Variants in ME3 observed in about 807,000 individuals in gnomAD.
ME3 encodes the protein NADP-dependent malic enzyme, mitochondrial.
Under a neutral mutation model 68.9 loss-of-function variants are expected in ME3, and 48 were observed. The ratio of observed to expected loss-of-function variants is 0.70; its 90% CI spans 0.55 to 0.89. ME3 has a LOEUF of 0.89. ME3 is among the 40% of genes least tolerant of loss of function. The pLI, the probability that ME3 is intolerant of heterozygous loss-of-function variation, is 0.00. For missense variants in ME3, 675 were observed against 797.4 expected (o/e 0.85, Z 1.85); for synonymous variants, 320 against 318.8 (o/e 1.00, Z -0.04).
chr11:86,483,350 TG>T (rs1951518214), intron 7 of ME3, among the ~76,000 whole-genome samples: 1 of 152,160 alleles, frequency 6.6e-6, no homozygotes, highest in African/African-American at 2.4e-5. Context: ...ACATCAAGTG[TG>T]GAAGGTAACA....
At chr11:86,491,579 A>G (rs1464891781) in intron 6 of ME3, among the ~76,000 whole-genome samples, 1 of 152,208 alleles carries the variant, frequency 6.6e-6, no homozygotes, top group African/African-American at 2.4e-5. Context: ...ACTTGGCACA[A>G]CATGGAACAA....
intron 2 of ME3, among the ~76,000 whole-genome samples, chr11:86,645,372 T>TG (rs1944933425): frequency 6.6e-6 from 1 of 151,998 alleles, no homozygotes; most frequent in South Asian, 2.1e-4. Flanking sequence ...TCCAGCTTGG[T>TG]GGGGGGAGGG....
rs1952189156 is a variant in ME3 at position 86,494,466 on chromosome 11, T to C, written c.705+3497A>G. Reference sequence around the variant, plus strand: ...ACATGTTTCAGTCTCAGTTTCCTTATCTGAAAATTGGGAGAATAATATACT... The same window carrying C: ...ACATGTTTCAGTCTCAGTTTCCTTACCTGAAAATTGGGAGAATAATATACT... On this transcript the variant is annotated intron_variant, in intron 6 of 14. Transcript: ENST00000543262. 2.0e-5 allele frequency among the ~76,000 whole-genome samples: 3 copies of C among 152,078 alleles called. No homozygotes were observed. The South Asian group carries it at 6.2e-4, about 32-fold the overall frequency.
chr11:86,478,608 T>C (rs1370041217), intron 7 of ME3, among the ~76,000 whole-genome samples: 1 of 152,232 alleles, frequency 6.6e-6, no homozygotes, highest in Non-Finnish European at 1.5e-5. Flanking sequence ...CATGCCTCCC[T>C]ATTGCTCACT....
chr11:86,510,199 C>T (rs1024456951), intron 4 of ME3, among the ~76,000 whole-genome samples: 1 of 152,152 alleles, frequency 6.6e-6, no homozygotes, highest in Non-Finnish European at 1.5e-5. Flanking sequence ...GTCTCAACAT[C>T]GTCCTACCAA....
At chr11:86,652,273 A>G (rs1945496617) in intron 2 of ME3, among the ~76,000 whole-genome samples, 1 of 152,228 alleles carries the variant, frequency 6.6e-6, no homozygotes, top group East Asian at 1.9e-4. Context: ...GAGAAGAGCA[A>G]CTCCAAGACA....
intron 2 of ME3, among the ~76,000 whole-genome samples, chr11:86,592,964 C>T (rs1199588726): frequency 6.6e-6 from 1 of 152,164 alleles, no homozygotes; most frequent in Admixed American, 6.5e-5. Flanking sequence ...GTTATTTAAC[C>T]TTCCATAGGC....
At chr11:86,614,144 A>G (rs1022981922) in intron 2 of ME3, among the ~76,000 whole-genome samples, 1 of 152,194 alleles carries the variant, frequency 6.6e-6, no homozygotes, top group African/African-American at 2.4e-5. Context: ...ACTTTGAATC[A>G]GAATCTCACA....
At chr11:86,551,460 G>A (rs78515368) in intron 4 of ME3, among the ~76,000 whole-genome samples, 2,540 of 152,256 alleles carry the variant, frequency 0.017, 74 homozygotes, top group African/African-American at 0.055. Flanking sequence ...ATCTGGCAAG[G>A]GAGTTTAAGT....
At chr11:86,519,936 T>A (rs1954151673) in intron 4 of ME3, among the ~76,000 whole-genome samples, 3 of 152,228 alleles carry the variant, frequency 2.0e-5, no homozygotes, top group Admixed American at 6.5e-5. Context: ...AAGTGCGGGA[T>A]GGGGTGGCCA....
chr11:86,541,862 C>T (rs1390084242), intron 4 of ME3, among the ~76,000 whole-genome samples: 1 of 152,212 alleles, frequency 6.6e-6, no homozygotes, highest in Non-Finnish European at 1.5e-5. Context: ...GGGTGGGGGA[C>T]ACCTCCCAGC....
chr11:86,601,426 A>G (rs1368999207), intron 2 of ME3, among the ~76,000 whole-genome samples: 7 of 152,182 alleles, frequency 4.6e-5, no homozygotes, highest in Non-Finnish European at 7.3e-5. Flanking sequence ...CTCTGAATAG[A>G]CCAATAACAG....
At chr11:86,641,003 CT>C (rs1944633598) in intron 2 of ME3, among the ~76,000 whole-genome samples, 1 of 147,956 alleles carries the variant, frequency 6.8e-6, no homozygotes, top group South Asian at 2.2e-4. Flanking sequence ...GGGGAGCAAG[CT>C]AAGCACACAT....
chr11:86,525,889 G>A (rs575919196), intron 4 of ME3, among the ~76,000 whole-genome samples: 1 of 152,054 alleles, frequency 6.6e-6, no homozygotes, highest in South Asian at 2.1e-4. Context: ...AGGAGAGGGT[G>A]GAGCCAAGAG....
intron 8 of ME3, among the ~76,000 whole-genome samples, chr11:86,458,873 T>C (rs1171280129): frequency 1.3e-5 from 2 of 152,190 alleles, no homozygotes; most frequent in African/African-American, 4.8e-5. Context: ...CTCTTCCCTA[T>C]TGTGGCATCT....
intron 7 of ME3, among the ~76,000 whole-genome samples, chr11:86,478,351 G>C (rs1377875390): frequency 8.0e-6 from 1 of 124,676 alleles, no homozygotes; most frequent in Non-Finnish European, 1.7e-5. Flanking sequence ...AAAAAAAAAG[G>C]TTAAAGAAAA....
At chr11:86,523,850 T>C (rs1453320921) in intron 4 of ME3, among the ~76,000 whole-genome samples, 1 of 152,126 alleles carries the variant, frequency 6.6e-6, no homozygotes, top group African/African-American at 2.4e-5. Context: ...GACACCTCTG[T>C]CCAAATAGAA....
At chr11:86,525,357 A>G (rs924409920) in intron 4 of ME3, among the ~76,000 whole-genome samples, 11 of 152,236 alleles carry the variant, frequency 7.2e-5, no homozygotes, top group African/African-American at 2.7e-4. Context: ...CAGTCAAACC[A>G]CAACAGCAAG....
chr11:86,563,362 A>G (rs1440421802), intron 2 of ME3, among the ~76,000 whole-genome samples: 2 of 152,140 alleles, frequency 1.3e-5, no homozygotes. Context: ...GATAATAGCC[A>G]TTCTGACTGG....
Sources: allele counts gnomAD v4.1 joint callset (sites outside exome capture counted in the v4.1 genomes callset), GRCh38; gene constraint gnomAD v4.1.1; transcripts MANE v1.5; gene names NCBI Gene and HGNC (gene_info 2026-07-23, HGNC 2026-07-21).